The following GNA12 variants were observed in gnomAD, a reference collection of about 807,000 sequenced individuals.
GNA12 encodes the protein guanine nucleotide-binding protein subunit alpha-12.
In GNA12, 9 loss-of-function variants were observed where a neutral mutation model predicts 26.0. The observed-to-expected ratio is 0.35, with a 90% CI of 0.21 to 0.60. GNA12 has a LOEUF of 0.60. Among genes scored for constraint, GNA12 ranks in the 20% least tolerant of loss-of-function variants. The pLI, the probability that GNA12 is intolerant of heterozygous loss-of-function variation, is 0.78. For missense variants in GNA12, 405 were observed against 525.8 expected, an observed-to-expected ratio of 0.77 and a Z score of 2.25; for synonymous variants, 264 against 219.6, an observed-to-expected ratio of 1.20 and a Z score of -1.79.
chr7:2,804,477 G>A (rs1420847730), intron 1 of GNA12, among the ~76,000 whole-genome samples: 1 of 152,174 alleles, frequency 6.6e-6, no homozygotes, highest in East Asian at 1.9e-4. Context: ...AGATGAGCCT[G>A]CTACAAGGCT....
In GNA12 at chr7:2,843,455, G is replaced by A. The variant is rs149817214; in HGVS notation, c.309+398C>T. Reference sequence around the variant, plus strand: ...AGGCCAGGAGACTGAGACCAGCCTGGGCAACACAGCAAGACCCCATCTCTA... The same window carrying A: ...AGGCCAGGAGACTGAGACCAGCCTGAGCAACACAGCAAGACCCCATCTCTA... On this transcript the variant is annotated intron_variant, in intron 1 of 3. Coordinates refer to ENST00000275364, the MANE Select transcript of GNA12 (RefSeq NM_007353.3). Among the ~76,000 whole-genome samples, 14 of 152,210 alleles carry A rather than the reference G, an allele frequency of 9.2e-5. No individual in the cohort carries two copies. The East Asian group carries it at 2.1e-3, about 23-fold the overall frequency.
In GNA12 at chr7:2,728,304, CT is replaced by C. The variant is rs2075785617; in HGVS notation, c.*2876del. ...GGTTAGATGTCTGTGCCCAGAACCC[CT>C]AAATTAGTTACAACTAATAATCTTC... On this transcript the variant is annotated 3_prime_UTR_variant, in exon 4 of 4. Coordinates refer to ENST00000275364, the MANE Select transcript of GNA12 (RefSeq NM_007353.3). The C allele has an allele frequency of 6.6e-6, 1 of 152,166 alleles. No individual in the cohort carries two copies. Among genetic ancestry groups the C allele is most frequent in the African/African-American group, 2.4e-5 (1 of 41,394 alleles). 9.4% of individuals were successfully genotyped at this position (152,166 alleles called of 1,614,324 possible).
At chr7:2,814,292 T>C in intron 1 of GNA12, 1 of 1,328,222 alleles carries the variant, frequency 7.5e-7, no homozygotes, top group Non-Finnish European at 1.1e-6. Flanking sequence ...GGCCGAGGAG[T>C]TGAACGGAGT....
rs112892634 is a variant in GNA12 at position 2,769,188 on chromosome 7, G to C, written c.525+25740C>G. Among the ~76,000 whole-genome samples the C allele has an allele frequency of 4.9e-3, 744 of 152,266 alleles. 4 individuals carry two copies. Among genetic ancestry groups the C allele is most frequent in the African/African-American group, 0.016 (684 of 41,562 alleles). ...CAAAGTGCTGGGATTACAGGCGTGA[G>C]CCACCATGCCCAGCCACCTTAGAGC... On this transcript the variant is annotated intron_variant, in intron 2 of 3. Transcript: ENST00000275364.
intron 1 of GNA12, among the ~76,000 whole-genome samples, chr7:2,795,993 T>C (rs1048938885): frequency 6.6e-6 from 1 of 151,984 alleles, no homozygotes; most frequent in Non-Finnish European, 1.5e-5. Context: ...GCTAATTTTT[T>C]ATTTTTAGCT....
intron 2 of GNA12, among the ~76,000 whole-genome samples, chr7:2,740,123 C>T (rs530131528): frequency 5.3e-5 from 8 of 152,148 alleles, no homozygotes; most frequent in East Asian, 1.9e-4. Context: ...TTTTTAAAAA[C>T]GGTGGCCATC....
At chr7:2,793,879 C>T (rs1270545178) in intron 2 of GNA12, among the ~76,000 whole-genome samples, 1 of 66,848 alleles carries the variant, frequency 1.5e-5, no homozygotes, top group South Asian at 4.8e-4. Flanking sequence ...GAGACTCCAT[C>T]TCAAAAAAAA....
At chr7:2,782,166 A>G (rs1026717772) in intron 2 of GNA12, among the ~76,000 whole-genome samples, 2 of 152,254 alleles carry the variant, frequency 1.3e-5, no homozygotes, top group African/African-American at 4.8e-5. Context: ...AAATTTACCA[A>G]AAACCTAAAT....
At chr7:2,786,610 T>C (rs754249240) in intron 2 of GNA12, among the ~76,000 whole-genome samples, 1 of 152,238 alleles carries the variant, frequency 6.6e-6, no homozygotes, top group Non-Finnish European at 1.5e-5. Flanking sequence ...TAAAGCCATA[T>C]AGCTGAGGTA....
intron 2 of GNA12, among the ~76,000 whole-genome samples, chr7:2,789,885 G>T (rs1792473379): frequency 6.6e-6 from 1 of 152,188 alleles, no homozygotes; most frequent in Admixed American, 6.5e-5. Flanking sequence ...CCAGGAAAGG[G>T]CAGAGAAATA....
At chr7:2,812,560 CAG>C (rs1472545143) in intron 1 of GNA12, among the ~76,000 whole-genome samples, 2 of 151,008 alleles carry the variant, frequency 1.3e-5, no homozygotes, top group African/African-American at 4.9e-5. Flanking sequence ...ACCCAGGAGG[CAG>C]AGGTTGCAGT....
chr7:2,774,189 G>T (rs1253767230), intron 2 of GNA12, among the ~76,000 whole-genome samples: 1 of 152,098 alleles, frequency 6.6e-6, no homozygotes, highest in East Asian at 1.9e-4. Flanking sequence ...CACACAATCT[G>T]CTCAGTTTGT....
In GNA12 at chr7:2,728,271, C is replaced by T. The variant is rs117683535; in HGVS notation, c.*2910G>A. On this transcript the variant is annotated 3_prime_UTR_variant, in exon 4 of 4. Transcript: ENST00000275364. Reference sequence around the variant, plus strand: ...CATTCCAATGGGAGCCTCTGCCTTACAATACCAGGTTAGATGTCTGTGCCC... The same window carrying T: ...CATTCCAATGGGAGCCTCTGCCTTATAATACCAGGTTAGATGTCTGTGCCC... 7.3e-3 allele frequency: 1,110 copies of T among 152,414 alleles called. 3 individuals carry two copies. The highest frequency in any genetic ancestry group is 0.012 in the Non-Finnish European group (789 of 68,024). The allele number at this position is 152,414 out of a possible 1,614,324, so 9.4% of individuals were successfully genotyped here.
chr7:2,748,580 C>T (rs1790877934), intron 2 of GNA12, among the ~76,000 whole-genome samples: 1 of 151,990 alleles, frequency 6.6e-6, no homozygotes, highest in Non-Finnish European at 1.5e-5. Flanking sequence ...TAGGCAATAC[C>T]ATTCAGGACA....
chr7:2,751,315 C>T lies in GNA12; in HGVS notation c.526-17814G>A, dbSNP rs111657571. On this transcript the variant is annotated intron_variant, in intron 2 of 3. Transcript: ENST00000275364. ...CTGAGGTGGGAGGATCACTTCAACC[C>T]AGAAGGCCGAGGCTGCAGTGAGCCA... Among the ~76,000 whole-genome samples the T allele has an allele frequency of 4.9e-3, 741 of 150,642 alleles. 4 individuals carry two copies. Among genetic ancestry groups the T allele is most frequent in the African/African-American group, 0.017 (679 of 40,948 alleles).
At chr7:2,842,195 A>T (rs1302768087) in intron 1 of GNA12, among the ~76,000 whole-genome samples, 3 of 151,160 alleles carry the variant, frequency 2.0e-5, no homozygotes, top group Non-Finnish European at 4.4e-5. Context: ...GACGCTATCT[A>T]GGTGTAAGCA....
intron 1 of GNA12, among the ~76,000 whole-genome samples, chr7:2,831,341 A>G (rs914448841): frequency 2.6e-5 from 4 of 152,024 alleles, no homozygotes; most frequent in Admixed American, 6.6e-5. Flanking sequence ...TCAAGTCATC[A>G]GAACCTTAGG....
chr7:2,832,340 G>T (rs1006775469), intron 1 of GNA12, among the ~76,000 whole-genome samples: 1 of 152,192 alleles, frequency 6.6e-6, no homozygotes, highest in Non-Finnish European at 1.5e-5. Flanking sequence ...ACACACAGCA[G>T]AGCACAAAGC....
chr7:2,733,558 C>A, intron 2 of GNA12, 57 bp from the exon 3 acceptor site: 7 of 1,374,674 alleles, frequency 5.1e-6, no homozygotes, highest in Non-Finnish European at 6.2e-6. Context: ...CCTGATGTGG[C>A]AAATACAAGA....
Sources: gnomAD v4.1 joint callset for allele counts (sites outside exome capture counted in the v4.1 genomes callset) on GRCh38, gnomAD v4.1.1 for gene constraint, MANE v1.5 for transcripts, NCBI Gene and HGNC (gene_info 2026-07-23, HGNC 2026-07-21) for gene names.